The following ATAD2B variants were observed in gnomAD, a reference collection of about 807,000 sequenced individuals.
ATAD2B encodes the protein ATPase family AAA domain containing 2B.
ATAD2B carries 40 observed loss-of-function variants against 167.6 expected under a neutral mutation model. The observed-to-expected ratio is 0.24, with a 90% CI of 0.19 to 0.31. ATAD2B has a LOEUF of 0.31. Ranked by LOEUF, ATAD2B falls within the 10% of genes least tolerant of loss-of-function variation. The pLI, the probability that ATAD2B is intolerant of heterozygous loss-of-function variation, is 1.00. For missense variants in ATAD2B, 1,242 were observed against 1,757.2 expected, an observed-to-expected ratio of 0.71 and a Z score of 5.24; for synonymous variants, 579 against 596.5, an observed-to-expected ratio of 0.97 and a Z score of 0.43.
chr2:23,905,321 C>T (rs1320087542), intron 1 of ATAD2B, among the ~76,000 whole-genome samples: 5 of 152,122 alleles, frequency 3.3e-5, no homozygotes, highest in Non-Finnish European at 5.9e-5. Flanking sequence ...AGTTCAAGAA[C>T]AGCCTGGCCA....
At chr2:23,754,356 A>T (rs894043868) in intron 26 of ATAD2B, 49 bp from the exon 27 acceptor site, 2 of 1,497,738 alleles carry the variant, frequency 1.3e-6, no homozygotes, top group African/African-American at 2.8e-5. Flanking sequence ...TCACTGGTCA[A>T]ACTGAAATTG....
At chr2:23,897,436 T>G (rs1029474251) in intron 1 of ATAD2B, among the ~76,000 whole-genome samples, 7 of 152,198 alleles carry the variant, frequency 4.6e-5, no homozygotes, top group Non-Finnish European at 1.0e-4. Context: ...CAACCAGCCT[T>G]AGTATTCATT....
chr2:23,797,944 T>C (rs1448218603), intron 19 of ATAD2B, among the ~76,000 whole-genome samples, 194 bp downstream of exon 19: 1 of 152,106 alleles, frequency 6.6e-6, no homozygotes, highest in Non-Finnish European at 1.5e-5. Context: ...AACAACACTG[T>C]GGAATACCAC....
chr2:23,709,777 G>T, the ATAD2B span, among the ~76,000 whole-genome samples: 1 of 152,180 alleles, frequency 6.6e-6, no homozygotes, highest in Admixed American at 6.5e-5. Flanking sequence ...AGTCCTAAAG[G>T]ATGGCGAATG....
At chr2:23,703,380 G>T in the ATAD2B span, 1 of 1,493,730 alleles carries the variant, frequency 6.7e-7, no homozygotes. Flanking sequence ...CCAATGATTG[G>T]TGAGAACCAG....
chr2:23,798,396 T>C, intron 18 of ATAD2B, 73 bp from the exon 19 acceptor site: 4 of 1,189,110 alleles, frequency 3.4e-6, no homozygotes, highest in Non-Finnish European at 2.3e-6. Context: ...AATCTCCAAA[T>C]ACATGAAATA....
the ATAD2B span, among the ~76,000 whole-genome samples, chr2:23,733,398 G>A: frequency 1.3e-5 from 2 of 152,114 alleles, no homozygotes; most frequent in African/African-American, 4.8e-5. Flanking sequence ...AGTCTCAATT[G>A]CTAGACACCC....
At chr2:23,914,771 G>A (rs549380258) in intron 1 of ATAD2B, among the ~76,000 whole-genome samples, 15 of 151,804 alleles carry the variant, frequency 9.9e-5, no homozygotes, top group Non-Finnish European at 2.1e-4. Context: ...GAACCCCGGG[G>A]GGCGGAAACT....
In ATAD2B at chr2:23,757,536, A is replaced by C. The variant is rs1676092481; in HGVS notation, c.3960T>G (p.Thr1320=). The stretch of plus-strand genomic sequence containing the variant: ...GATCATCTCCATGATTTTCAGTCGA[A>C]GTTTCTGGTTTTTCTTTTGACTGGT... ...LEDQSKEKPE[T]STENHGDDLE... The change falls in exon 25 of 28, where the codon ACT becomes ACG. Residue 1320 remains threonine, a synonymous_variant. Coordinates refer to ENST00000238789, the MANE Select transcript of ATAD2B (RefSeq NM_017552.4). 1 of 1,594,956 alleles carries C rather than the reference A, an allele frequency of 6.3e-7. No individual in the cohort carries two copies. Among genetic ancestry groups the C allele is most frequent in the Non-Finnish European group, 8.5e-7 (1 of 1,173,910 alleles).
At chr2:23,822,917 CAAAAAAA>C (rs33911389) in intron 16 of ATAD2B, among the ~76,000 whole-genome samples, 139 of 66,322 alleles carry the variant, frequency 2.1e-3, no homozygotes, top group African/African-American at 8.9e-3. Flanking sequence ...AACTCCATCT[CAAAAAAA>C]AAAAAAAAAA....
intron 12 of ATAD2B, 71 bp downstream of exon 12, chr2:23,863,310 C>A: frequency 6.9e-7 from 1 of 1,458,322 alleles, no homozygotes. Flanking sequence ...GAGGCCCTGT[C>A]TCAAAAAAAC....
chr2:23,723,968 A>T, the ATAD2B span, among the ~76,000 whole-genome samples: 1 of 152,236 alleles, frequency 6.6e-6, no homozygotes, highest in African/African-American at 2.4e-5. Context: ...TGCCATTTGC[A>T]GAAACATGGA....
chr2:23,868,999 CT>C (rs1353050919), intron 9 of ATAD2B, among the ~76,000 whole-genome samples: 1 of 152,148 alleles, frequency 6.6e-6, no homozygotes. Context: ...TTCTCATTTT[CT>C]TTCCATCATT....
intron 7 of ATAD2B, among the ~76,000 whole-genome samples, chr2:23,879,950 C>T (rs1207683429): frequency 6.6e-6 from 1 of 151,576 alleles, no homozygotes; most frequent in Non-Finnish European, 1.5e-5. Context: ...CCCAGCTACT[C>T]AGGAGGCTGA....
intron 18 of ATAD2B, among the ~76,000 whole-genome samples, chr2:23,808,017 ATTT>A (rs1427131387): frequency 3.5e-4 from 45 of 129,704 alleles, no homozygotes; most frequent in African/African-American, 1.3e-3. Context: ...TATATATATT[ATTT>A]ATTTATTATA....
Position 23,912,485 on chromosome 2 carries a change from TGA to T in ATAD2B, c.216+14068_216+14069del, listed in dbSNP as rs771999066. Among the ~76,000 whole-genome samples, 3 of 150,960 alleles carry T rather than the reference TGA, an allele frequency of 2.0e-5. No individual in the cohort carries two copies. The East Asian group carries it at 5.8e-4, about 29-fold the overall frequency. ...TCATGCCACTGTACTCCAGCTTGAG[TGA>T]GAGAGTGAGACCCCATCTCAAAAAA... On this transcript the variant is annotated intron_variant, in intron 1 of 27. Transcript: ENST00000238789.
Position 23,926,611 on chromosome 2 carries a change from G to A in ATAD2B, c.160C>T (p.Pro54Ser). 1 of 1,563,620 alleles carries A rather than the reference G, an allele frequency of 6.4e-7. No individual in the cohort carries two copies. The highest frequency in any genetic ancestry group is 8.7e-7 in the Non-Finnish European group (1 of 1,155,662). ...CCGCTTCCCCCGGCTTTGGCGGCGGGGCAGCTGGCGGCGCGGGTCTTGGAG... is the reference window on the plus strand; with the variant it reads ...CCGCTTCCCCCGGCTTTGGCGGCGGAGCAGCTGGCGGCGCGGGTCTTGGAG... The part of the protein sequence containing the change: ...RSSKTRAASC[P>S]AAKAGGSGGA... The change falls in exon 1 of 28, where the codon CCC (proline) becomes TCC (serine). Residue 54 changes from proline (P) to serine (S), a missense_variant. This residue lies in a region of ATAD2B where 199 missense variants were observed against 194.9 expected (regional missense o/e 1.02). Coordinates refer to ENST00000238789, the MANE Select transcript of ATAD2B (RefSeq NM_017552.4).
At chr2:23,867,759 C>T (rs997897866) in intron 10 of ATAD2B, 76 bp downstream of exon 10, 7 of 1,015,072 alleles carry the variant, frequency 6.9e-6, no homozygotes, top group African/African-American at 3.2e-5. Flanking sequence ...TCTAGTTCTA[C>T]TATGTGCTGC....
At chr2:23,762,161 CATT>C in intron 24 of ATAD2B, 45 bp downstream of exon 24, 1 of 1,587,568 alleles carries the variant, frequency 6.3e-7, no homozygotes, top group South Asian at 1.1e-5. Context: ...ATATCTACAT[CATT>C]CTCAGTTGTT....
Sources: allele counts gnomAD v4.1 joint callset (sites outside exome capture counted in the v4.1 genomes callset), GRCh38; gene constraint gnomAD v4.1.1; regional missense constraint gnomAD v4.1.1; transcripts MANE v1.5; gene names NCBI Gene and HGNC (gene_info 2026-07-23, HGNC 2026-07-21).